Variants in EML4 observed in about 807,000 individuals in gnomAD.
The protein encoded by EML4 is EMAP like 4.
EML4 carries 72 observed loss-of-function variants against 129.0 expected under a neutral mutation model. That is an observed-to-expected ratio of 0.56 (90% CI 0.46 to 0.68). The LOEUF (loss-of-function observed/expected upper bound fraction) is 0.68, where lower values mean the gene tolerates loss of function less well. Among genes scored for constraint, EML4 ranks in the 30% least tolerant of loss-of-function variants. The pLI is 0.00. For missense variants in EML4, 1,363 were observed against 1,190.6 expected (o/e 1.14, Z -2.13); for synonymous variants, 532 against 405.0 (o/e 1.31, Z -3.77).
intron 1 of EML4, among the ~76,000 whole-genome samples, chr2:42,179,593 C>G (rs796335342): frequency 6.6e-6 from 1 of 152,032 alleles, no homozygotes; most frequent in Non-Finnish European, 1.5e-5. Flanking sequence ...AAAGGTAATA[C>G]ATATATGGGG....
intron 6 of EML4, among the ~76,000 whole-genome samples, chr2:42,265,440 G>C (rs978893056): frequency 6.6e-6 from 1 of 151,748 alleles, no homozygotes. Flanking sequence ...GAGTTTCACC[G>C]TGTTGGCCAG....
chr2:42,326,163 CA>C lies in EML4; in HGVS notation c.2255del (p.Asn752MetfsTer5). On this transcript the variant is annotated frameshift_variant, in exon 21 of 23. Transcript: ENST00000318522. LOFTEE classifies it high-confidence loss of function. Reference protein sequence around the residue: ...GDYEILYWDIPNGCKLIRNRS... With the variant: ...GDYEILYWDIXNGCKLIRNRS... ...GTTTCTAAATTTAAAGGGGACATTCCAAATGGCTGCAAACTAATCAGGAATC... is the reference window on the plus strand; with the variant it reads ...GTTTCTAAATTTAAAGGGGACATTCCAATGGCTGCAAACTAATCAGGAATC... The C allele has an allele frequency of 6.2e-7, 1 of 1,613,372 alleles. No individual in the cohort carries two copies. Among genetic ancestry groups the C allele is most frequent in the South Asian group, 1.1e-5 (1 of 90,984 alleles).
intron 1 of EML4, among the ~76,000 whole-genome samples, chr2:42,184,987 T>A (rs1671164219): frequency 6.6e-6 from 1 of 152,186 alleles, no homozygotes; most frequent in Non-Finnish European, 1.5e-5. Flanking sequence ...TTGATAAAAT[T>A]CTCTTTAACT....
chr2:42,239,008 A>G (rs926762813), intron 1 of EML4, among the ~76,000 whole-genome samples: 26 of 152,154 alleles, frequency 1.7e-4, no homozygotes, highest in East Asian at 1.3e-3. Context: ...GGCTCACGCA[A>G]TCATCCTGCC....
At chr2:42,246,184 A>G (rs138641273) in intron 2 of EML4, among the ~76,000 whole-genome samples, 4 of 152,184 alleles carry the variant, frequency 2.6e-5, no homozygotes, top group Non-Finnish European at 4.4e-5. Flanking sequence ...GGGACTTCTA[A>G]CTTTCCAGTA....
At chr2:42,325,627 T>TG in intron 20 of EML4, 73 bp downstream of exon 20, 1 of 128,888 alleles carries the variant, frequency 7.8e-6, no homozygotes, top group Non-Finnish European at 1.3e-5. Context: ...TATATATATA[T>TG]ATATATATAT....
chr2:42,297,015 A>T (rs572789547), intron 13 of EML4, among the ~76,000 whole-genome samples: 72 of 152,236 alleles, frequency 4.7e-4, no homozygotes, highest in Non-Finnish European at 8.7e-4. Flanking sequence ...AATTAGACCT[A>T]TTAAGAAGTT....
intron 1 of EML4, among the ~76,000 whole-genome samples, chr2:42,191,121 A>G (rs1400478105): frequency 1.3e-5 from 2 of 152,222 alleles, no homozygotes; most frequent in Non-Finnish European, 2.9e-5. Context: ...CATTCGTTGA[A>G]TAGTAAGCCC....
intron 2 of EML4, among the ~76,000 whole-genome samples, chr2:42,247,928 T>G (rs529793926): frequency 2.6e-5 from 4 of 152,132 alleles, no homozygotes; most frequent in African/African-American, 9.7e-5. Flanking sequence ...AAACCTATAA[T>G]AGAAAATGAT....
intron 1 of EML4, among the ~76,000 whole-genome samples, chr2:42,226,111 T>A (rs1223786396): frequency 1.3e-5 from 2 of 151,934 alleles, no homozygotes; most frequent in African/African-American, 4.8e-5. Context: ...GTAGACACAT[T>A]TGTAAGTGGA....
intron 1 of EML4, among the ~76,000 whole-genome samples, chr2:42,236,010 A>G (rs942439888): frequency 2.0e-5 from 3 of 152,150 alleles, no homozygotes; most frequent in African/African-American, 7.2e-5. Flanking sequence ...AAGTTACAAT[A>G]CATGTTTTAA....
intron 1 of EML4, among the ~76,000 whole-genome samples, chr2:42,176,236 A>C (rs908903651): frequency 1.3e-5 from 2 of 152,148 alleles, no homozygotes; most frequent in Admixed American, 6.5e-5. Flanking sequence ...AAGACTTGTC[A>C]ATTCTTGTCA....
At chr2:42,281,834 G>A (rs375612302) in intron 7 of EML4, among the ~76,000 whole-genome samples, 1 of 152,114 alleles carries the variant, frequency 6.6e-6, no homozygotes, top group East Asian at 1.9e-4. Context: ...CAGTGAAACA[G>A]AAGGAGTTGG....
At chr2:42,300,348 G>T (rs1668212629) in intron 13 of EML4, among the ~76,000 whole-genome samples, 1 of 152,092 alleles carries the variant, frequency 6.6e-6, no homozygotes, top group Non-Finnish European at 1.5e-5. Context: ...CAAAGAAAAA[G>T]GTATGAGTAC....
intron 1 of EML4, among the ~76,000 whole-genome samples, chr2:42,179,874 T>C (rs1050545118): frequency 6.6e-6 from 1 of 152,196 alleles, no homozygotes; most frequent in Non-Finnish European, 1.5e-5. Context: ...GTGCTGGGAT[T>C]ACAGGCATGA....
chr2:42,288,274 G>C lies in EML4; in HGVS notation c.1170G>C (p.Met390Ile). ...LCIIDDSNEH[M>I]LTVWDWQKKA... ...TTATTGATGACTCCAATGAGCATAT[G>C]CTTACTGTATGGGACTGGCAGAAGA... is the stretch of plus-strand genomic sequence containing the variant. Residue 390 changes from methionine to isoleucine, a missense_variant, in exon 11 of 23, where the codon ATG (methionine) becomes ATC (isoleucine). Physicochemically the swap from Met to Ile is conservative, Grantham distance 10. Transcript: ENST00000318522. The C allele has an allele frequency of 6.3e-7, 1 of 1,576,786 alleles. No individual in the cohort carries two copies. Among genetic ancestry groups the C allele is most frequent in the African/African-American group, 1.3e-5 (1 of 74,224 alleles).
intron 2 of EML4, among the ~76,000 whole-genome samples, chr2:42,247,864 T>C (rs1001255757): frequency 7.2e-5 from 11 of 152,038 alleles, no homozygotes; most frequent in African/African-American, 2.2e-4. Flanking sequence ...GAAGAACAAA[T>C]TTCCTATATA....
intron 1 of EML4, among the ~76,000 whole-genome samples, chr2:42,220,485 A>G (rs760046843): frequency 4.6e-5 from 7 of 152,074 alleles, no homozygotes; most frequent in African/African-American, 1.2e-4. Flanking sequence ...AAGATAGCCT[A>G]CTTAATAAAT....
At chr2:42,244,822 G>T (rs1330956696) in intron 1 of EML4, among the ~76,000 whole-genome samples, 1 of 152,074 alleles carries the variant, frequency 6.6e-6, no homozygotes, top group Admixed American at 6.5e-5. Context: ...TGATAATAAT[G>T]TAATTAAGAA....
Sources: gnomAD v4.1 joint callset for allele counts (sites outside exome capture counted in the v4.1 genomes callset) on GRCh38, gnomAD v4.1.1 for gene constraint, MANE v1.5 for transcripts, NCBI Gene and HGNC (gene_info 2026-07-23, HGNC 2026-07-21) for gene names.